AAK1: variants seen among roughly 807,000 people sequenced by gnomAD.
AAK1 encodes AP2 associated kinase 1.
A neutral mutation model predicts 116.0 loss-of-function variants in AAK1; 37 were observed. The observed-to-expected ratio is 0.32, with a 90% CI of 0.25 to 0.42. AAK1 has a LOEUF of 0.42. Ranked by LOEUF, AAK1 falls within the 10% of genes least tolerant of loss-of-function variation. The pLI is 1.00. For missense variants in AAK1, 919 were observed against 1,170.6 expected (o/e 0.79, Z 3.14); for synonymous variants, 458 against 439.9 (o/e 1.04, Z -0.51).
Position 69,467,122 on chromosome 2 carries a change from A to G in AAK1, c.*8747T>C. 1 of 985,404 alleles carries G rather than the reference A, an allele frequency of 1.0e-6. No individual in the cohort carries two copies. Among genetic ancestry groups the G allele is most frequent in the Non-Finnish European group, 1.2e-6 (1 of 829,920 alleles). 61.0% of individuals were successfully genotyped at this position (985,404 alleles called of 1,614,324 possible). The stretch of plus-strand genomic sequence containing the variant: ...GCATACGAGTGCCCAAAATATAAAT[A>G]CTGAAGGTACCTTCTGAGGGGAGCA... On this transcript the variant is annotated 3_prime_UTR_variant, in exon 22 of 22. Transcript: ENST00000409085.
At chr2:69,527,184 T>C (rs769697390) in intron 9 of AAK1, 32 bp downstream of exon 9, 1 of 1,487,184 alleles carries the variant, frequency 6.7e-7, no homozygotes, top group East Asian at 2.3e-5. Context: ...TTTGATAATG[T>C]TTACTCCCTT....
intron 2 of AAK1, among the ~76,000 whole-genome samples, chr2:69,640,014 A>AACACACACACACAC (rs376034914): frequency 6.7e-5 from 7 of 103,774 alleles, no homozygotes; most frequent in East Asian, 5.8e-4. Context: ...ACTCCCCTTT[A>AACACACACACACAC]ACACACACAC....
chr2:69,468,613 A>C lies in AAK1; in HGVS notation c.*7256T>G. On this transcript the variant is annotated 3_prime_UTR_variant, in exon 22 of 22. Transcript: ENST00000409085. ...CATCATACAGGTCAATAATCCAATG[A>C]ACACTAGTTTGAACAGAGTCAGTGT... is the stretch of plus-strand genomic sequence containing the variant. 2 of 985,464 alleles carry C rather than the reference A, an allele frequency of 2.0e-6. No individual in the cohort carries two copies. The highest frequency in any genetic ancestry group is 3.5e-5 in the African/African-American group (2 of 57,374). The allele number at this position is 985,464 out of a possible 1,614,324, so 61.0% of individuals were successfully genotyped here. A position where few individuals can be genotyped will look rare whatever the true frequency, so the allele number is the denominator to read the frequency against.
intron 17 of AAK1, among the ~76,000 whole-genome samples, chr2:69,491,577 A>C (rs2104920793): frequency 6.6e-6 from 1 of 152,344 alleles, no homozygotes; most frequent in African/African-American, 2.4e-5. Context: ...AATGGTTCTC[A>C]GTTGTGCAAA....
intron 2 of AAK1, among the ~76,000 whole-genome samples, chr2:69,562,953 A>G (rs1389449122): frequency 6.6e-6 from 1 of 152,100 alleles, no homozygotes; most frequent in African/African-American, 2.4e-5. Context: ...TAGTCTAGGT[A>G]CTCGGGAGGC....
Position 69,473,913 on chromosome 2 carries a change from C to A in AAK1, c.*1956G>T, listed in dbSNP as rs2104877858. ...AAGTCCTATTTTCACTGCTATCCAA[C>A]CACAGAGAGCCCTTCGTGGATATCT... On this transcript the variant is annotated 3_prime_UTR_variant, in exon 22 of 22. Coordinates refer to ENST00000409085, the MANE Select transcript of AAK1 (RefSeq NM_014911.5). 1 of 985,868 alleles carries A rather than the reference C, an allele frequency of 1.0e-6. No individual in the cohort carries two copies. The highest frequency in any genetic ancestry group is 5.2e-4 in the Middle Eastern group (1 of 1,914). 61.1% of individuals were successfully genotyped at this position (985,868 alleles called of 1,614,324 possible).
intron 9 of AAK1, among the ~76,000 whole-genome samples, chr2:69,525,453 T>G (rs1669983438): frequency 6.6e-6 from 1 of 152,204 alleles, no homozygotes; most frequent in African/African-American, 2.4e-5. Context: ...TTAGAAGTGA[T>G]GCTATGAAAG....
In AAK1 at chr2:69,469,419, T is replaced by C; in HGVS notation, c.*6450A>G. 1 of 985,480 alleles carries C rather than the reference T, an allele frequency of 1.0e-6. No homozygotes were observed. The highest frequency in any genetic ancestry group is 1.2e-6 in the Non-Finnish European group (1 of 829,948). The allele number at this position is 985,480 out of a possible 1,614,324, so 61.0% of individuals were successfully genotyped here. ...TTTTTTGAGTATGTGAATGTGTTCTTACAGGGAAAATGTGTTTTCAGGGTG... is the reference window on the plus strand; with the variant it reads ...TTTTTTGAGTATGTGAATGTGTTCTCACAGGGAAAATGTGTTTTCAGGGTG... On this transcript the variant is annotated 3_prime_UTR_variant, in exon 22 of 22. Coordinates refer to ENST00000409085, the MANE Select transcript of AAK1 (RefSeq NM_014911.5).
intron 11 of AAK1, among the ~76,000 whole-genome samples, 157 bp downstream of exon 11, chr2:69,520,676 CA>C (rs1669735837): frequency 6.6e-6 from 1 of 152,184 alleles, no homozygotes; most frequent in Non-Finnish European, 1.5e-5. Context: ...CACTGCCATA[CA>C]ATTTCAAGGG....
chr2:69,643,162 C>T lies in AAK1; in HGVS notation c.-122G>A. 1.4e-6 allele frequency: 2 copies of T among 1,432,614 alleles called. No individual in the cohort carries two copies. Among genetic ancestry groups the T allele is most frequent in the South Asian group, 1.6e-5 (1 of 64,446 alleles). The allele number at this position is 1,432,614 out of a possible 1,614,324, so 88.7% of individuals were successfully genotyped here. On this transcript the variant is annotated 5_prime_UTR_variant, in exon 2 of 22. It adds an upstream start codon to the 5' untranslated region. Transcript: ENST00000409085. The stretch of plus-strand genomic sequence containing the variant: ...CAGATTTCACCTCGGAGAGGAGCCA[C>T]CCGAATCCGGCCGTGGGGGTGGGGG...
chr2:69,461,103 A>G lies in AAK1; in HGVS notation c.*14766T>C, dbSNP rs1453952185. ...GGACCACATATACCATGATGGTCCC[A>G]TAAGATTATACCATATTTTTACTGT... On this transcript the variant is annotated 3_prime_UTR_variant, in exon 22 of 22. Coordinates refer to ENST00000409085, the MANE Select transcript of AAK1 (RefSeq NM_014911.5). The G allele has an allele frequency of 6.6e-6, 1 of 152,250 alleles. No homozygotes were observed. Among genetic ancestry groups the G allele is most frequent in the Non-Finnish European group, 1.5e-5 (1 of 68,050 alleles). 9.4% of individuals were successfully genotyped at this position (152,250 alleles called of 1,614,324 possible). A position where few individuals can be genotyped will look rare whatever the true frequency, so the allele number is the denominator to read the frequency against.
intron 16 of AAK1, among the ~76,000 whole-genome samples, chr2:69,503,885 G>A (rs1435560306): frequency 1.3e-5 from 2 of 152,016 alleles, no homozygotes; most frequent in Non-Finnish European, 2.9e-5. Flanking sequence ...TGTGATCCCA[G>A]CTATTTGGGA....
At chr2:69,503,721 A>G (rs1676064329) in intron 16 of AAK1, among the ~76,000 whole-genome samples, 3 of 152,162 alleles carry the variant, frequency 2.0e-5, no homozygotes, top group Admixed American at 2.0e-4. Context: ...AGGTTTCACC[A>G]TGTTGGCCAG....
In AAK1 at chr2:69,465,362, G is replaced by C. The variant is rs1674452068; in HGVS notation, c.*10507C>G. ...TTTCTTCTTCAGAAGGCTAAGCTGG[G>C]AGTGCCATGGCGGGTATTGAGGGTG... On this transcript the variant is annotated 3_prime_UTR_variant, in exon 22 of 22. Transcript: ENST00000409085. 1 of 1,182,448 alleles carries C rather than the reference G, an allele frequency of 8.5e-7. No homozygotes were observed. The highest frequency in any genetic ancestry group is 1.6e-5 in the African/African-American group (1 of 62,288). 73.2% of individuals were successfully genotyped at this position (1,182,448 alleles called of 1,614,324 possible). A position where few individuals can be genotyped will look rare whatever the true frequency, so the allele number is the denominator to read the frequency against.
chr2:69,589,427 G>A (rs1481273090), intron 2 of AAK1, among the ~76,000 whole-genome samples: 2 of 152,114 alleles, frequency 1.3e-5, no homozygotes, highest in African/African-American at 2.4e-5. Flanking sequence ...GGAGTATTGG[G>A]GCCAGGCACA....
intron 2 of AAK1, among the ~76,000 whole-genome samples, chr2:69,584,050 T>C (rs946517647): frequency 5.9e-5 from 9 of 152,216 alleles, no homozygotes; most frequent in African/African-American, 2.2e-4. Flanking sequence ...CCTTCTACAC[T>C]GCTCTCCAAG....
chr2:69,528,780 TAA>T (rs1670123483), intron 8 of AAK1, among the ~76,000 whole-genome samples: 1 of 152,224 alleles, frequency 6.6e-6, no homozygotes, highest in Non-Finnish European at 1.5e-5. Flanking sequence ...TAGACATTCA[TAA>T]AGAGTTGTAT....
chr2:69,616,827 T>C (rs1027785117), intron 2 of AAK1, among the ~76,000 whole-genome samples: 23 of 152,198 alleles, frequency 1.5e-4, no homozygotes, highest in African/African-American at 4.3e-4. Flanking sequence ...GTGTGACTCA[T>C]TGTTTCCTGC....
intron 16 of AAK1, among the ~76,000 whole-genome samples, chr2:69,496,724 A>G (rs190792987): frequency 1.3e-5 from 2 of 152,322 alleles, no homozygotes; most frequent in East Asian, 1.9e-4. Context: ...TTTAGCACAT[A>G]AACAGATATA....
Sources: gnomAD v4.1 joint callset for allele counts (sites outside exome capture counted in the v4.1 genomes callset) on GRCh38, gnomAD v4.1.1 for gene constraint, MANE v1.5 for transcripts, NCBI Gene and HGNC (gene_info 2026-07-23, HGNC 2026-07-21) for gene names.